Variants in AKT3 observed in about 807,000 individuals in gnomAD.
The protein encoded by AKT3 is RAC-gamma serine/threonine-protein kinase.
AKT3 carries 15 observed loss-of-function variants against 65.3 expected under a neutral mutation model. The ratio of observed to expected loss-of-function variants is 0.23; its 90% CI spans 0.15 to 0.35. The LOEUF is 0.35. AKT3 is among the 10% of genes least tolerant of loss of function. The probability of loss-of-function intolerance (pLI) is 1.00; values close to 1 mark genes in which losing one functional copy is unlikely to be tolerated. For missense variants in AKT3, 243 were observed against 576.5 expected (o/e 0.42, Z 5.92); for synonymous variants, 206 against 183.8 (o/e 1.12, Z -0.98).
intron 2 of AKT3, among the ~76,000 whole-genome samples, chr1:243,772,069 C>G (rs2148280391): frequency 6.6e-6 from 1 of 152,222 alleles, no homozygotes; most frequent in African/African-American, 2.4e-5. Flanking sequence ...AATGTTAGAC[C>G]TAAAACCATA....
At chr1:243,660,870 A>C (rs1682258033) in intron 4 of AKT3, among the ~76,000 whole-genome samples, 1 of 152,238 alleles carries the variant, frequency 6.6e-6, no homozygotes, top group Non-Finnish European at 1.5e-5. Flanking sequence ...AAGTCTCAGG[A>C]TACAAAATCA....
At chr1:243,627,645 G>A (rs320316) in intron 6 of AKT3, among the ~76,000 whole-genome samples, 126,384 of 152,180 alleles carry the variant, frequency 0.83, 52,641 homozygotes, top group Non-Finnish European at 0.86. Flanking sequence ...ACCACAGGCT[G>A]GAGGATAAAT....
chr1:243,615,227 T>C, intron 6 of AKT3, 66 bp from the exon 7 acceptor site: 1 of 1,264,442 alleles, frequency 7.9e-7, no homozygotes, highest in Non-Finnish European at 1.1e-6. Flanking sequence ...ATTTCACTAT[T>C]TCTCTAAAAT....
At chr1:243,787,246 A>G (rs911261243) in intron 2 of AKT3, among the ~76,000 whole-genome samples, 2 of 152,220 alleles carry the variant, frequency 1.3e-5, no homozygotes, top group African/African-American at 4.8e-5. Flanking sequence ...TGAGAAGCTA[A>G]AACAATTGTA....
Position 243,755,577 on chromosome 1 carries a change from T to C in AKT3, c.47-59861A>G, listed in dbSNP as rs76239559. Among the ~76,000 whole-genome samples, 8 of 152,320 alleles carry C rather than the reference T, an allele frequency of 5.3e-5. No homozygotes were observed. The East Asian group carries it at 1.5e-3, about 29-fold the overall frequency. On this transcript the variant is annotated intron_variant, in intron 2 of 13. Transcript: ENST00000673466. ...TTAGAGCTTCATGTTAATCATGTTC[T>C]CTATGTTACAGAATTATAAATTATA...
At chr1:243,731,221 T>C (rs916431744) in intron 2 of AKT3, among the ~76,000 whole-genome samples, 1 of 152,222 alleles carries the variant, frequency 6.6e-6, no homozygotes, top group African/African-American at 2.4e-5. Flanking sequence ...ATATATATAA[T>C]AGCCTGCTGT....
intron 2 of AKT3, among the ~76,000 whole-genome samples, chr1:243,835,996 G>C (rs1694867787): frequency 6.6e-6 from 1 of 151,898 alleles, no homozygotes; most frequent in South Asian, 2.1e-4. Context: ...ATAGGGAAAA[G>C]ATACAAAGAA....
chr1:243,612,199 C>T (rs1161768806), intron 8 of AKT3, among the ~76,000 whole-genome samples: 1 of 152,062 alleles, frequency 6.6e-6, no homozygotes, highest in Admixed American at 6.6e-5. Flanking sequence ...GCCTTGACCT[C>T]CCAGGCTCAA....
chr1:243,843,310 T>A lies in AKT3; in HGVS notation c.-112-28A>T. ...GGAAGGAAGTATTGAAGAAAGAATT[T>A]TTTTTCCATTCTTGCAACTCACAGA... On this transcript the variant is annotated intron_variant, in intron 1 of 13. Coordinates refer to ENST00000673466, the MANE Select transcript of AKT3 (RefSeq NM_005465.7). 3.6e-6 allele frequency: 5 copies of A among 1,387,348 alleles called. No homozygotes were observed. The Middle Eastern group carries it at 5.8e-4, about 161-fold the overall frequency. 85.9% of individuals were successfully genotyped at this position (1,387,348 alleles called of 1,614,324 possible).
intron 12 of AKT3, among the ~76,000 whole-genome samples, chr1:243,539,884 A>G (rs1672193120): frequency 6.6e-6 from 1 of 152,200 alleles, no homozygotes. Flanking sequence ...AGCAAAATTC[A>G]TCTGAGTAAC....
chr1:243,515,392 A>G (rs1045998363), intron 12 of AKT3, among the ~76,000 whole-genome samples: 1 of 152,070 alleles, frequency 6.6e-6, no homozygotes, highest in African/African-American at 2.4e-5. Context: ...CCATGTTAAA[A>G]AAAAAAAAAA....
chr1:243,798,832 A>C (rs919230960), intron 2 of AKT3, among the ~76,000 whole-genome samples: 2 of 152,178 alleles, frequency 1.3e-5, no homozygotes, highest in Admixed American at 6.5e-5. Context: ...TCAACCCCTT[A>C]ACACAGCAGT....
At chr1:243,721,129 A>G (rs145815543) in intron 2 of AKT3, among the ~76,000 whole-genome samples, 66 of 152,272 alleles carry the variant, frequency 4.3e-4, no homozygotes, top group African/African-American at 1.5e-3. Flanking sequence ...CTCCAAAGCC[A>G]GCCATAAAAA....
chr1:243,706,180 T>G (rs1257508384), intron 2 of AKT3, among the ~76,000 whole-genome samples: 1 of 152,180 alleles, frequency 6.6e-6, no homozygotes, highest in Non-Finnish European at 1.5e-5. Flanking sequence ...AACCATTAAT[T>G]CAATGACTAA....
chr1:243,797,532 G>A (rs897764902), intron 2 of AKT3, among the ~76,000 whole-genome samples: 2 of 152,066 alleles, frequency 1.3e-5, no homozygotes, highest in African/African-American at 2.4e-5. Flanking sequence ...TTGCTTTATT[G>A]GGAGAGAAAA....
Position 243,698,913 on chromosome 1 carries a change from C to CAA in AKT3, c.47-3199_47-3198dup, listed in dbSNP as rs536512566. Among the ~76,000 whole-genome samples the CAA allele has an allele frequency of 9.0e-3, 1,035 of 115,522 alleles. 16 individuals carry two copies. The highest frequency in any genetic ancestry group is 0.029 in the African/African-American group (979 of 34,036). 75.8% of individuals were successfully genotyped at this position (115,522 alleles called of 152,430 possible). ...TATTAATTTGTTACAGAGGCTGGAC[C>CAA]AAAAAAAAAAAAAAAGACAACTTAA... On this transcript the variant is annotated intron_variant, in intron 2 of 13. Transcript: ENST00000673466.
chr1:243,632,374 A>G lies in AKT3; in HGVS notation c.561+5237T>C, dbSNP rs79226013. ...TATATCTGGTGCATTGTCAATGAGC[A>G]GTAATATTTAAAAAGTAATCTTTTT... On this transcript the variant is annotated intron_variant, in intron 6 of 13. Transcript: ENST00000673466. Among the ~76,000 whole-genome samples the G allele has an allele frequency of 4.7e-3, 720 of 152,334 alleles. 8 individuals are homozygous for G. The highest frequency in any genetic ancestry group is 0.016 in the African/African-American group (685 of 41,580).
At chr1:243,771,593 A>T in intron 2 of AKT3, among the ~76,000 whole-genome samples, 1 of 152,190 alleles carries the variant, frequency 6.6e-6, no homozygotes, top group East Asian at 1.9e-4. Context: ...AAAAAACAAA[A>T]CAAAACAAAA....
chr1:243,819,470 G>A (rs1693727205), intron 2 of AKT3, among the ~76,000 whole-genome samples: 1 of 152,172 alleles, frequency 6.6e-6, no homozygotes, highest in African/African-American at 2.4e-5. Context: ...TCCAGCAGGG[G>A]TTTAGGAATG....
Sources: gnomAD v4.1 joint callset for allele counts (sites outside exome capture counted in the v4.1 genomes callset) on GRCh38, gnomAD v4.1.1 for gene constraint, MANE v1.5 for transcripts, NCBI Gene and HGNC (gene_info 2026-07-23, HGNC 2026-07-21) for gene names.